Variants in NMNAT2 observed in about 807,000 individuals in gnomAD.
NMNAT2 encodes nicotinamide nucleotide adenylyltransferase 2.
Under a neutral mutation model 41.6 loss-of-function variants are expected in NMNAT2, and 11 were observed. The ratio of observed to expected loss-of-function variants is 0.26; its 90% confidence interval spans 0.17 to 0.44. NMNAT2 has a LOEUF of 0.44. Among genes scored for constraint, NMNAT2 ranks in the 20% least tolerant of loss-of-function variants. The pLI, the probability that NMNAT2 is intolerant of heterozygous loss-of-function variation, is 1.00. For synonymous variants in NMNAT2, 148 were observed against 151.2 expected (o/e 0.98, Z 0.16); for missense variants, 288 against 407.7 (o/e 0.71, Z 2.53).
chr1:183,334,227 C>T (rs1227202634), intron 1 of NMNAT2, among the ~76,000 whole-genome samples: 1 of 152,078 alleles, frequency 6.6e-6, no homozygotes, highest in African/African-American at 2.4e-5. Flanking sequence ...ACACCATGCC[C>T]GACTAACTGC....
intron 8 of NMNAT2, among the ~76,000 whole-genome samples, chr1:183,263,895 A>G (rs1196655663): frequency 1.3e-5 from 2 of 152,174 alleles, no homozygotes; most frequent in Non-Finnish European, 2.9e-5. Flanking sequence ...TCCCCAGATA[A>G]TATCAATATG....
chr1:183,261,020 A>C lies in NMNAT2; in HGVS notation c.803T>G (p.Val268Gly). The part of the protein sequence containing the change: ...KDDINHPMSV[V>G]SSTKSRLALQ... ...AACATACCTGCTCTTGGTTGAGCTG[A>C]CAACAGACATGGGATGGTTGATGTC... Residue 268 changes from valine (V) to glycine (G), a missense_variant, in exon 10 of 11, where the codon GTC becomes GGC. This residue lies in a region of NMNAT2 where 181 missense variants were observed against 213.7 expected (regional missense o/e 0.85). Transcript: ENST00000287713. The C allele has an allele frequency of 6.2e-7, 1 of 1,613,836 alleles. No homozygotes were observed. The highest frequency in any genetic ancestry group is 8.5e-7 in the Non-Finnish European group (1 of 1,179,800).
At chr1:183,313,919 C>T (rs185586111) in intron 1 of NMNAT2, among the ~76,000 whole-genome samples, 2 of 152,332 alleles carry the variant, frequency 1.3e-5, no homozygotes, top group East Asian at 1.9e-4. Context: ...TTCCAAGGGC[C>T]TCAGCTGCAG....
chr1:183,331,604 G>A (rs541741147), intron 1 of NMNAT2, among the ~76,000 whole-genome samples: 1 of 152,208 alleles, frequency 6.6e-6, no homozygotes, highest in South Asian at 2.1e-4. Context: ...CTCTCCTGTT[G>A]GGCCAGTGAC....
chr1:183,274,980 G>C (rs779365056), intron 8 of NMNAT2, among the ~76,000 whole-genome samples: 36 of 152,030 alleles, frequency 2.4e-4, no homozygotes, highest in Non-Finnish European at 4.1e-4. Flanking sequence ...AGAGGAGAAC[G>C]GGCCTGGTGA....
intron 1 of NMNAT2, among the ~76,000 whole-genome samples, chr1:183,403,544 C>CT: frequency 6.6e-6 from 1 of 152,120 alleles, no homozygotes; most frequent in Non-Finnish European, 1.5e-5. Flanking sequence ...CTTCCATCCA[C>CT]TTTGAGAGCT....
At chr1:183,379,548 G>T (rs937482754) in intron 1 of NMNAT2, among the ~76,000 whole-genome samples, 2 of 152,080 alleles carry the variant, frequency 1.3e-5, no homozygotes, top group Non-Finnish European at 2.9e-5. Context: ...AGATATACAT[G>T]CAAATTCTAA....
chr1:183,381,665 C>T (rs1663806411), intron 1 of NMNAT2, among the ~76,000 whole-genome samples: 1 of 151,938 alleles, frequency 6.6e-6, no homozygotes. Context: ...CTAGTGCACT[C>T]CAGCCTGGCC....
chr1:183,265,016 T>C (rs940849203), intron 8 of NMNAT2, among the ~76,000 whole-genome samples: 2 of 152,168 alleles, frequency 1.3e-5, no homozygotes, highest in African/African-American at 4.8e-5. Flanking sequence ...ATTTTGAAGT[T>C]TTAAAAGCAC....
intron 1 of NMNAT2, among the ~76,000 whole-genome samples, chr1:183,354,821 A>T (rs943088741): frequency 6.6e-6 from 1 of 152,202 alleles, no homozygotes; most frequent in African/African-American, 2.4e-5. Flanking sequence ...CTCAATCACC[A>T]CAGGCACCAC....
chr1:183,314,012 A>G (rs968086195), intron 1 of NMNAT2, among the ~76,000 whole-genome samples: 12 of 152,142 alleles, frequency 7.9e-5, no homozygotes, highest in African/African-American at 2.9e-4. Context: ...TTTGAGCCAC[A>G]TGTTTATGAG....
chr1:183,313,617 C>A (rs1244798620), intron 1 of NMNAT2, among the ~76,000 whole-genome samples: 10 of 152,212 alleles, frequency 6.6e-5, no homozygotes, highest in East Asian at 5.8e-4. Flanking sequence ...CCTCTGGTAG[C>A]TGGGATTACA....
At chr1:183,375,304 C>A (rs896906138) in intron 1 of NMNAT2, among the ~76,000 whole-genome samples, 2 of 152,216 alleles carry the variant, frequency 1.3e-5, no homozygotes, top group African/African-American at 4.8e-5. Context: ...TTATGGAGCA[C>A]CTGCTCTGTG....
At chr1:183,292,993 T>C in intron 2 of NMNAT2, 136 bp from the exon 3 acceptor site, 1 of 798,660 alleles carries the variant, frequency 1.3e-6, no homozygotes, top group Non-Finnish European at 2.1e-6. Context: ...TGTGACCCCT[T>C]TACTTGTCCG....
chr1:183,414,164 T>C (rs562514236), intron 1 of NMNAT2, among the ~76,000 whole-genome samples: 2 of 152,174 alleles, frequency 1.3e-5, no homozygotes, highest in Admixed American at 6.5e-5. Context: ...GAGTCATGGA[T>C]TTAAACTGCA....
At chr1:183,313,090 C>T (rs1328009472) in intron 1 of NMNAT2, among the ~76,000 whole-genome samples, 1 of 151,900 alleles carries the variant, frequency 6.6e-6, no homozygotes, top group Non-Finnish European at 1.5e-5. Flanking sequence ...TGCCAGCCCC[C>T]AGCCCCCATC....
intron 1 of NMNAT2, among the ~76,000 whole-genome samples, chr1:183,347,801 T>C (rs773994672): frequency 1.3e-5 from 2 of 152,188 alleles, no homozygotes; most frequent in Non-Finnish European, 2.9e-5. Context: ...GTGCTACCAC[T>C]CTCCTGGTGT....
chr1:183,276,712 G>A (rs1462047198), intron 8 of NMNAT2, among the ~76,000 whole-genome samples: 3 of 152,206 alleles, frequency 2.0e-5, no homozygotes, highest in Non-Finnish European at 4.4e-5. Flanking sequence ...TGGGGCCTCC[G>A]GCAATTGCCC....
rs747506391 is a variant in NMNAT2 at position 183,339,191 on chromosome 1, G to A, written c.86-45398C>T. Among the ~76,000 whole-genome samples, 56 of 151,978 alleles carry A rather than the reference G, an allele frequency of 3.7e-4. 1 individual carries two copies. The highest frequency in any genetic ancestry group is 6.9e-4 in the Non-Finnish European group (47 of 68,006). On this transcript the variant is annotated intron_variant, in intron 1 of 10. Coordinates refer to ENST00000287713, the MANE Select transcript of NMNAT2 (RefSeq NM_015039.4). ...CGGCTCACTGCAAGCTCTGCCTCCC[G>A]GGTTCATGTCATTCTTCTGCCTCAG...
Sources: gnomAD v4.1 joint callset for allele counts (sites outside exome capture counted in the v4.1 genomes callset) on GRCh38, gnomAD v4.1.1 for gene constraint, gnomAD v4.1.1 regional missense constraint, MANE v1.5 for transcripts, NCBI Gene and HGNC (gene_info 2026-07-23, HGNC 2026-07-21) for gene names.